PTPN9: variants seen among roughly 807,000 people sequenced by gnomAD.
PTPN9 encodes the protein protein tyrosine phosphatase non-receptor type 9.
In PTPN9, 26 loss-of-function variants were observed where a neutral mutation model predicts 69.8. That is an observed-to-expected ratio of 0.37 (90% confidence interval 0.27 to 0.52). The LOEUF is 0.52. Ranked by LOEUF, PTPN9 falls within the 20% of genes least tolerant of loss-of-function variation. PTPN9 has a pLI of 0.91. For missense variants in PTPN9, 549 were observed against 740.3 expected, an observed-to-expected ratio of 0.74 and a Z score of 3.00; for synonymous variants, 274 against 272.5, an observed-to-expected ratio of 1.01 and a Z score of -0.05.
At position 75,472,940 on chromosome 15, in the gene PTPN9, C is replaced by T. The variant is rs1271857135; in HGVS notation, c.1208+749G>A. Among the ~76,000 whole-genome samples the T allele has an allele frequency of 2.6e-5, 4 of 151,078 alleles. No individual in the cohort carries two copies. In the East Asian group the frequency reaches 5.8e-4, roughly 22 times the overall value. The stretch of plus-strand genomic sequence containing the variant: ...ACTCCAGCCTGGTGGCAGAGTGAGA[C>T]TCCATCTCAGAAGAAAAAAAAAAAA... On this transcript the variant is annotated intron_variant, in intron 10 of 12. Coordinates refer to ENST00000618819, the MANE Select transcript of PTPN9 (RefSeq NM_002833.4).
intron 1 of PTPN9, among the ~76,000 whole-genome samples, chr15:75,535,756 ATTACTGCCTT>A: frequency 6.6e-6 from 1 of 152,198 alleles, no homozygotes; most frequent in East Asian, 1.9e-4. Flanking sequence ...CTTCATTGTG[ATTACTGCCTT>A]TTTATATCTA....
At position 75,473,676 on chromosome 15, in the gene PTPN9, G is replaced by A; in HGVS notation, c.1208+13C>T. ...TGGAGGTGGAGACCTTTGGAAAAAA[G>A]GGATTAACTCACCGGGTGGTCATGA... On this transcript the variant is annotated intron_variant, in intron 10 of 12. Coordinates refer to ENST00000618819, the MANE Select transcript of PTPN9 (RefSeq NM_002833.4). The A allele has an allele frequency of 6.5e-7, 1 of 1,539,488 alleles. No homozygotes were observed. Among genetic ancestry groups the A allele is most frequent in the Non-Finnish European group, 9.0e-7 (1 of 1,112,340 alleles).
intron 1 of PTPN9, among the ~76,000 whole-genome samples, chr15:75,542,468 TA>T (rs777273954): frequency 5.3e-5 from 8 of 152,230 alleles, no homozygotes; most frequent in Non-Finnish European, 2.9e-5. Context: ...AGCTAACTGC[TA>T]TTAAAGGATT....
chr15:75,540,579 GAAAGAAAA>G (rs2075004288), intron 1 of PTPN9, among the ~76,000 whole-genome samples: 1 of 143,790 alleles, frequency 7.0e-6, no homozygotes, highest in African/African-American at 2.6e-5. Context: ...AAGAAAGAAA[GAAAGAAAA>G]ATGTGAATCA....
At chr15:75,526,065 G>A (rs903594850) in intron 2 of PTPN9, among the ~76,000 whole-genome samples, 1 of 148,320 alleles carries the variant, frequency 6.7e-6, no homozygotes. Context: ...GTGTGATCTC[G>A]GCTCACTGCA....
chr15:75,539,710 C>T (rs917842355), intron 1 of PTPN9, among the ~76,000 whole-genome samples: 1 of 152,072 alleles, frequency 6.6e-6, no homozygotes, highest in Non-Finnish European at 1.5e-5. Context: ...CTCCCTCTGT[C>T]ACCCAGGCTG....
In PTPN9 at chr15:75,465,399, T is replaced by C. The variant is rs2074532850; in HGVS notation, c.*3370A>G. On this transcript the variant is annotated 3_prime_UTR_variant, in exon 13 of 13. Transcript: ENST00000618819. ...GATTACAGGCATAAAGCCACTGCAC[T>C]TGGACCCTGAGCATTTTCTCTTGCT... 1 of 152,188 alleles carries C rather than the reference T, an allele frequency of 6.6e-6. No homozygotes were observed. The highest frequency in any genetic ancestry group is 1.5e-5 in the Non-Finnish European group (1 of 68,054). 9.4% of individuals were successfully genotyped at this position (152,188 alleles called of 1,614,324 possible).
At chr15:75,541,083 T>A (rs2075006407) in intron 1 of PTPN9, among the ~76,000 whole-genome samples, 1 of 150,678 alleles carries the variant, frequency 6.6e-6, no homozygotes, top group Non-Finnish European at 1.5e-5. Context: ...TCTCAAAAAA[T>A]AAAAAAATAA....
rs1414195175 is a variant in PTPN9, at chr15:75,503,394, G to A, written c.968+2281C>T. Reference sequence around the variant, plus strand: ...CGTCTGAGAAGTGAGGAGACCCTCCGCCCAGCATCCGCCCCATCTGAGAAG... The same window carrying A: ...CGTCTGAGAAGTGAGGAGACCCTCCACCCAGCATCCGCCCCATCTGAGAAG... On this transcript the variant is annotated intron_variant, in intron 7 of 12. Coordinates refer to ENST00000618819, the MANE Select transcript of PTPN9 (RefSeq NM_002833.4). Among the ~76,000 whole-genome samples the A allele has an allele frequency of 1.8e-4, 24 of 135,074 alleles. 1 individual carries two copies. The highest frequency in any genetic ancestry group is 1.4e-3 in the Admixed American group (19 of 13,864). The allele number at this position is 135,074 out of a possible 152,430, so 88.6% of individuals were successfully genotyped here.
intron 1 of PTPN9, among the ~76,000 whole-genome samples, chr15:75,560,186 G>A (rs1033314491): frequency 4.0e-5 from 6 of 151,742 alleles, no homozygotes; most frequent in South Asian, 4.2e-4. Flanking sequence ...CCATAATAAC[G>A]TTGTTTTACC....
In PTPN9 at chr15:75,517,433, T is replaced by C. The variant is rs2074876409; in HGVS notation, c.423-69A>G. On this transcript the variant is annotated intron_variant, in intron 4 of 12. Transcript: ENST00000618819. The stretch of plus-strand genomic sequence containing the variant: ...TGGATGAGGCAGGTTGAAAGCCTAA[T>C]GCCAAAACAAAACCTGAGAGTATGA... The C allele has an allele frequency of 3.2e-6, 4 of 1,269,616 alleles. No individual in the cohort carries two copies. In the Admixed American group the frequency reaches 7.4e-5, roughly 23 times the overall value. The allele number at this position is 1,269,616 out of a possible 1,614,324, so 78.6% of individuals were successfully genotyped here.
At chr15:75,560,348 C>G (rs2075099098) in intron 1 of PTPN9, among the ~76,000 whole-genome samples, 1 of 152,134 alleles carries the variant, frequency 6.6e-6, no homozygotes, top group Admixed American at 6.6e-5. Context: ...TACACCACTT[C>G]TAAGTCCCTA....
intron 8 of PTPN9, among the ~76,000 whole-genome samples, chr15:75,481,770 G>GC (rs1440994748): frequency 1.0e-5 from 1 of 97,424 alleles, no homozygotes; most frequent in Non-Finnish European, 2.1e-5. Flanking sequence ...CTGCCCGGCC[G>GC]CCCCTACTGG....
chr15:75,517,678 C>T (rs1036285506), intron 4 of PTPN9, among the ~76,000 whole-genome samples: 8 of 152,202 alleles, frequency 5.3e-5, no homozygotes, highest in Non-Finnish European at 8.8e-5. Context: ...TAACATATTC[C>T]GTACTCAACC....
chr15:75,564,161 T>C (rs762293345), intron 1 of PTPN9, among the ~76,000 whole-genome samples: 6 of 151,790 alleles, frequency 4.0e-5, no homozygotes, highest in Non-Finnish European at 7.4e-5. Flanking sequence ...TTTGTAAACT[T>C]TGTAACCTCA....
chr15:75,554,016 T>C lies in PTPN9; in HGVS notation c.63+24698A>G, dbSNP rs796237410. ...CCAATACTTTCTTTCTTTTTTTTTTTTTTTTTTGATTTTTTTTAAGACAGA... is the reference window on the plus strand; with the variant it reads ...CCAATACTTTCTTTCTTTTTTTTTTCTTTTTTTGATTTTTTTTAAGACAGA... On this transcript the variant is annotated intron_variant, in intron 1 of 12. Coordinates refer to ENST00000618819, the MANE Select transcript of PTPN9 (RefSeq NM_002833.4). 2.0e-4 allele frequency among the ~76,000 whole-genome samples: 29 copies of C among 147,652 alleles called. No homozygotes were observed. The East Asian group carries it at 5.5e-3, about 28-fold the overall frequency.
At chr15:75,547,323 GCA>G (rs1157252280) in intron 1 of PTPN9, among the ~76,000 whole-genome samples, 1 of 146,342 alleles carries the variant, frequency 6.8e-6, no homozygotes, top group African/African-American at 2.5e-5. Context: ...AAAAGGCCAG[GCA>G]CAGTGGCTCA....
At chr15:75,573,891 A>G (rs1052760952) in intron 1 of PTPN9, among the ~76,000 whole-genome samples, 1 of 152,210 alleles carries the variant, frequency 6.6e-6, no homozygotes, top group Non-Finnish European at 1.5e-5. Context: ...TCTAACTGAA[A>G]TCAAGGAAGG....
Position 75,555,497 on chromosome 15 carries a change from T to TTTA in PTPN9, c.63+23214_63+23216dup, listed in dbSNP as rs554256856. Reference sequence around the variant, plus strand: ...TTTTTGTTTTTTATTTACTTTTCATTTTATTATTATTATTATTATTATTTT... The same window carrying TTTA: ...TTTTTGTTTTTTATTTACTTTTCATTTTATTATTATTATTATTATTATTATTTT... On this transcript the variant is annotated intron_variant, in intron 1 of 12. Transcript: ENST00000618819. Among the ~76,000 whole-genome samples, 225 of 151,544 alleles carry TTTA rather than the reference T, an allele frequency of 1.5e-3. 2 individuals carry two copies. Among genetic ancestry groups the TTTA allele is most frequent in the East Asian group, 0.013 (68 of 5,176 alleles).
Sources: allele counts gnomAD v4.1 joint callset (sites outside exome capture counted in the v4.1 genomes callset), GRCh38; gene constraint gnomAD v4.1.1; transcripts MANE v1.5; gene names NCBI Gene and HGNC (gene_info 2026-07-23, HGNC 2026-07-21).